The following PCDH15 variants were observed in gnomAD, a reference collection of about 807,000 sequenced individuals.
The protein encoded by PCDH15 is protocadherin-15.
PCDH15 carries 129 observed loss-of-function variants against 178.5 expected under a neutral mutation model. The ratio of observed to expected loss-of-function variants is 0.72; its 90% CI spans 0.63 to 0.84. The LOEUF is 0.84. Ranked by LOEUF, PCDH15 falls within the 40% of genes least tolerant of loss-of-function variation. The pLI, the probability that PCDH15 is intolerant of heterozygous loss-of-function variation, is 0.00. For synonymous variants in PCDH15, 800 were observed against 732.0 expected, an observed-to-expected ratio of 1.09 and a Z score of -1.50; for missense variants, 2,230 against 2,099.9, an observed-to-expected ratio of 1.06 and a Z score of -1.21.
rs529045374 is a variant in PCDH15 at position 54,019,094 on chromosome 10, T to A, written c.2751+1098A>T. ...CCACTGCCCTTGCTCTGTGCAGGTA[T>A]CTCTATTCCTTTCTGACCAGCCCTT... On this transcript the variant is annotated intron_variant, in intron 20 of 37. Transcript: ENST00000644397. Among the ~76,000 whole-genome samples the A allele has an allele frequency of 3.9e-5, 6 of 152,204 alleles. No individual in the cohort carries two copies. The South Asian group carries it at 1.2e-3, about 32-fold the overall frequency.
chr10:54,248,920 C>T (rs925565405), intron 8 of PCDH15, among the ~76,000 whole-genome samples: 5 of 151,880 alleles, frequency 3.3e-5, no homozygotes, highest in South Asian at 2.1e-4. Context: ...GTTTCTAAAT[C>T]GCCTTAAAAA....
At chr10:55,472,456 T>A (rs1368526812) in intron 2 of PCDH15, among the ~76,000 whole-genome samples, 2 of 142,480 alleles carry the variant, frequency 1.4e-5, no homozygotes, top group African/African-American at 2.6e-5. Flanking sequence ...AATCATAGTT[T>A]TGAATTAGCT....
rs552421179 is a variant in PCDH15, at chr10:54,531,157, C to G, written c.92-3280G>C. On this transcript the variant is annotated intron_variant, in intron 2 of 37. Coordinates refer to ENST00000644397, the MANE Select transcript of PCDH15 (RefSeq NM_001384140.1). ...GTCAGGTGAGCTGCTGATACCTGTA[C>G]CCTGGAAATGGACTTCCTTAATCTA... is the stretch of plus-strand genomic sequence containing the variant. Among the ~76,000 whole-genome samples the G allele has an allele frequency of 7.9e-5, 12 of 152,210 alleles. No individual in the cohort carries two copies. In the East Asian group the frequency reaches 2.1e-3, roughly 27 times the overall value.
intron 1 of PCDH15, among the ~76,000 whole-genome samples, chr10:55,306,265 C>A (rs555840447): frequency 1.4e-4 from 22 of 152,300 alleles, no homozygotes; most frequent in Admixed American, 1.1e-3. Context: ...AGCTCGTTAA[C>A]TCAGCAAGAT....
chr10:55,603,209 A>G (rs746484291), intron 2 of PCDH15, among the ~76,000 whole-genome samples: 46 of 152,078 alleles, frequency 3.0e-4, no homozygotes, highest in Non-Finnish European at 3.2e-4. Context: ...AAAGAAACAG[A>G]AACGAGCAAA....
At position 53,943,505 on chromosome 10, in the gene PCDH15, A is replaced by C. The variant is rs539017982; in HGVS notation, c.3123-2530T>G. Among the ~76,000 whole-genome samples, 399 of 151,138 alleles carry C rather than the reference A, an allele frequency of 2.6e-3. 3 individuals carry two copies. Among genetic ancestry groups the C allele is most frequent in the African/African-American group, 9.4e-3 (383 of 40,656 alleles). On this transcript the variant is annotated intron_variant, in intron 23 of 37. Transcript: ENST00000644397. ...AAACAAAAACAAACAAACAAACAAA[A>C]AAAACAAAACAGAAAAGAAAAATGC...
At chr10:54,720,322 T>C (rs1398577805) in intron 1 of PCDH15, among the ~76,000 whole-genome samples, 2 of 151,936 alleles carry the variant, frequency 1.3e-5, no homozygotes, top group African/African-American at 2.4e-5. Context: ...GAATTCCTAG[T>C]AGATAAATTG....
At chr10:55,427,919 G>C (rs1249736265) in intron 2 of PCDH15, among the ~76,000 whole-genome samples, 1 of 151,968 alleles carries the variant, frequency 6.6e-6, no homozygotes, top group African/African-American at 2.4e-5. Context: ...AAATGTATAA[G>C]GTTATGATCT....
At chr10:53,979,977 G>T (rs1031100181) in intron 21 of PCDH15, among the ~76,000 whole-genome samples, 1 of 152,154 alleles carries the variant, frequency 6.6e-6, no homozygotes, top group Admixed American at 6.5e-5. Flanking sequence ...CCAGCACTTC[G>T]GGAGGCCGAG....
chr10:54,214,399 CTGTT>C (rs1276708130), intron 9 of PCDH15, among the ~76,000 whole-genome samples: 2 of 151,894 alleles, frequency 1.3e-5, no homozygotes, highest in Non-Finnish European at 2.9e-5. Flanking sequence ...TTAATTATAA[CTGTT>C]TGGTCTTTCA....
At chr10:54,640,640 G>A (rs949416761) in intron 2 of PCDH15, among the ~76,000 whole-genome samples, 1 of 151,806 alleles carries the variant, frequency 6.6e-6, no homozygotes, top group African/African-American at 2.4e-5. Flanking sequence ...CCCTCCAGAT[G>A]TTTCCTTTTT....
At chr10:53,880,810 G>A (rs1180158610) in intron 26 of PCDH15, among the ~76,000 whole-genome samples, 1 of 151,960 alleles carries the variant, frequency 6.6e-6, no homozygotes, top group African/African-American at 2.4e-5. Context: ...CTGTATTTAT[G>A]GACTAGAATG....
chr10:54,745,652 G>T (rs1945363381), intron 1 of PCDH15, among the ~76,000 whole-genome samples: 1 of 152,160 alleles, frequency 6.6e-6, no homozygotes, highest in South Asian at 2.1e-4. Context: ...TTTAGAAACA[G>T]TTTTTAATCA....
intron 6 of PCDH15, among the ~76,000 whole-genome samples, chr10:54,335,511 T>C (rs1166125071): frequency 3.3e-5 from 5 of 152,200 alleles, no homozygotes; most frequent in African/African-American, 9.7e-5. Flanking sequence ...TGGTGTGAGA[T>C]AATTGAATCA....
At chr10:55,546,292 T>C (rs762181460) in intron 2 of PCDH15, among the ~76,000 whole-genome samples, 1 of 152,164 alleles carries the variant, frequency 6.6e-6, no homozygotes, top group Non-Finnish European at 1.5e-5. Context: ...TTTCCTGATA[T>C]GAGTTAGTGA....
At chr10:54,418,048 G>T (rs1233073999) in intron 3 of PCDH15, among the ~76,000 whole-genome samples, 1 of 152,148 alleles carries the variant, frequency 6.6e-6, no homozygotes, top group Admixed American at 6.6e-5. Flanking sequence ...AGCTGGAATT[G>T]CAGGTGCCCA....
At chr10:54,160,326 G>C (rs983180959) in intron 13 of PCDH15, among the ~76,000 whole-genome samples, 3 of 152,076 alleles carry the variant, frequency 2.0e-5, no homozygotes, top group African/African-American at 4.8e-5. Context: ...AAAAGTAATA[G>C]AAACCATGGA....
intron 10 of PCDH15, among the ~76,000 whole-genome samples, chr10:54,196,393 C>G (rs1423003863): frequency 6.6e-6 from 1 of 152,146 alleles, no homozygotes; most frequent in African/African-American, 2.4e-5. Context: ...CCGCCCGCCT[C>G]AGCCTCCCAA....
rs557117678 is a variant in PCDH15, at chr10:54,260,947, T to C, written c.877-24016A>G. On this transcript the variant is annotated intron_variant, in intron 8 of 37. Transcript: ENST00000644397. ...CATGCCCGGCCTGATTTTTATGCTT[T>C]TAAATGGCTTTTGGTCTCATTCTTT... Among the ~76,000 whole-genome samples the C allele has an allele frequency of 6.6e-5, 10 of 152,316 alleles. No homozygotes were observed. The East Asian group carries it at 1.9e-3, about 29-fold the overall frequency.
Sources: allele counts gnomAD v4.1 joint callset (sites outside exome capture counted in the v4.1 genomes callset), GRCh38; gene constraint gnomAD v4.1.1; transcripts MANE v1.5; gene names NCBI Gene and HGNC (gene_info 2026-07-23, HGNC 2026-07-21).